Variants in GUCY1A2 observed in about 807,000 individuals in gnomAD.
The protein encoded by GUCY1A2 is guanylate cyclase 1 soluble subunit alpha 2.
In GUCY1A2, 27 loss-of-function variants were observed where a neutral mutation model predicts 63.5. That is an observed-to-expected ratio of 0.43 (90% CI 0.31 to 0.59). The LOEUF is 0.59. Ranked by LOEUF, GUCY1A2 falls within the 20% of genes least tolerant of loss-of-function variation. The pLI, the probability that GUCY1A2 is intolerant of heterozygous loss-of-function variation, is 0.11. For missense variants in GUCY1A2, 768 were observed against 913.3 expected, an observed-to-expected ratio of 0.84 and a Z score of 2.05; for synonymous variants, 364 against 343.5, an observed-to-expected ratio of 1.06 and a Z score of -0.66.
chr11:106,813,863 CTTAA>C (rs1397313546), intron 4 of GUCY1A2, among the ~76,000 whole-genome samples: 1 of 152,080 alleles, frequency 6.6e-6, no homozygotes, highest in Non-Finnish European at 1.5e-5. Context: ...GTGCTGAGTA[CTTAA>C]TTAATACTTA....
intron 4 of GUCY1A2, among the ~76,000 whole-genome samples, chr11:106,926,684 A>G (rs1179603039): frequency 6.6e-6 from 1 of 151,918 alleles, no homozygotes; most frequent in East Asian, 2.0e-4. Flanking sequence ...TTGTTATATG[A>G]TAGTGGTGAG....
At chr11:106,765,933 A>G (rs1385533938) in intron 6 of GUCY1A2, among the ~76,000 whole-genome samples, 2 of 152,180 alleles carry the variant, frequency 1.3e-5, no homozygotes, top group East Asian at 1.9e-4. Context: ...TGGAATCTAC[A>G]TGTAAATTTG....
At chr11:106,897,672 A>G (rs1036707769) in intron 4 of GUCY1A2, among the ~76,000 whole-genome samples, 2 of 152,080 alleles carry the variant, frequency 1.3e-5, no homozygotes, top group African/African-American at 4.8e-5. Context: ...AAAAAATTGA[A>G]TCTAGATACA....
At chr11:106,786,621 GAAATACATTA>G in intron 5 of GUCY1A2, among the ~76,000 whole-genome samples, 1 of 152,302 alleles carries the variant, frequency 6.6e-6, no homozygotes, top group Middle Eastern at 3.4e-3. Context: ...TTAGGGAAGA[GAAATACATTA>G]AAATATCAAG....
chr11:106,757,377 C>T (rs1022745527), intron 6 of GUCY1A2, among the ~76,000 whole-genome samples: 3 of 152,190 alleles, frequency 2.0e-5, no homozygotes, highest in Non-Finnish European at 4.4e-5. Context: ...ATTCTCCATC[C>T]AGTTTTGTTC....
chr11:106,823,205 T>C (rs1217435050), intron 4 of GUCY1A2, among the ~76,000 whole-genome samples: 1 of 152,144 alleles, frequency 6.6e-6, no homozygotes, highest in Non-Finnish European at 1.5e-5. Flanking sequence ...ATATTGAACA[T>C]TGTACCCAAG....
intron 6 of GUCY1A2, among the ~76,000 whole-genome samples, chr11:106,760,935 A>T (rs1484564671): frequency 6.6e-6 from 1 of 152,176 alleles, no homozygotes. Flanking sequence ...AAAAATAGTA[A>T]TACTCTGATA....
At chr11:106,862,753 G>A (rs931563051) in intron 4 of GUCY1A2, among the ~76,000 whole-genome samples, 4 of 151,992 alleles carry the variant, frequency 2.6e-5, no homozygotes, top group Admixed American at 2.6e-4. Flanking sequence ...TTAAGAAAAG[G>A]GAGGCATGGA....
chr11:106,788,162 C>T (rs1054639065), intron 5 of GUCY1A2, among the ~76,000 whole-genome samples: 7 of 152,076 alleles, frequency 4.6e-5, no homozygotes, highest in East Asian at 1.9e-4. Flanking sequence ...TTTTCATATA[C>T]CTGTTTGCCA....
At chr11:106,835,082 A>G (rs762871045) in intron 4 of GUCY1A2, among the ~76,000 whole-genome samples, 10 of 151,954 alleles carry the variant, frequency 6.6e-5, no homozygotes, top group Admixed American at 4.6e-4. Flanking sequence ...GAGAGTAGGT[A>G]GGAAAAAACA....
At chr11:106,810,562 G>T in intron 4 of GUCY1A2, 84 bp from the exon 5 acceptor site, 2 of 1,176,816 alleles carry the variant, frequency 1.7e-6, no homozygotes, top group Admixed American at 2.4e-5. Context: ...TGAATAGAAA[G>T]AAAAAATGTT....
intron 3 of GUCY1A2, among the ~76,000 whole-genome samples, chr11:106,957,537 T>C (rs1471909157): frequency 6.6e-6 from 1 of 151,702 alleles, no homozygotes; most frequent in Non-Finnish European, 1.5e-5. Flanking sequence ...GGGAAGGGGC[T>C]TCCCCTTCCC....
chr11:106,999,072 C>T (rs1022738275), intron 1 of GUCY1A2, among the ~76,000 whole-genome samples: 6 of 152,162 alleles, frequency 3.9e-5, no homozygotes, highest in African/African-American at 1.4e-4. Flanking sequence ...CTATCTCCAT[C>T]CCACCCACAA....
chr11:106,870,000 G>A (rs957669031), intron 4 of GUCY1A2, among the ~76,000 whole-genome samples: 2 of 150,440 alleles, frequency 1.3e-5, no homozygotes, highest in South Asian at 2.1e-4. Flanking sequence ...GGAAACTATC[G>A]CAAGGACAAA....
At chr11:106,734,197 T>C (rs893812856) in intron 6 of GUCY1A2, among the ~76,000 whole-genome samples, 4 of 152,128 alleles carry the variant, frequency 2.6e-5, no homozygotes, top group Non-Finnish European at 2.9e-5. Context: ...CACATCCACA[T>C]ACCAGCAACC....
chr11:106,829,819 C>A (rs544121650), intron 4 of GUCY1A2, among the ~76,000 whole-genome samples: 1 of 152,184 alleles, frequency 6.6e-6, no homozygotes, highest in Non-Finnish European at 1.5e-5. Flanking sequence ...ATTACCATGC[C>A]CTGTGACGTG....
At chr11:106,952,859 C>T (rs545437721) in intron 3 of GUCY1A2, among the ~76,000 whole-genome samples, 1 of 152,108 alleles carries the variant, frequency 6.6e-6, no homozygotes, top group South Asian at 2.1e-4. Context: ...AGTCTGGTCT[C>T]GAACTCCTGA....
At chr11:106,814,990 T>C (rs1858812292) in intron 4 of GUCY1A2, among the ~76,000 whole-genome samples, 2 of 152,138 alleles carry the variant, frequency 1.3e-5, no homozygotes, top group Non-Finnish European at 2.9e-5. Context: ...TGGAATTATC[T>C]GTCAAGAATT....
At chr11:106,690,693 C>T (rs1235996534) in intron 7 of GUCY1A2, among the ~76,000 whole-genome samples, 2 of 152,096 alleles carry the variant, frequency 1.3e-5, no homozygotes, top group African/African-American at 2.4e-5. Context: ...TGTGCTTGTA[C>T]CCCTGAACTT....
Sources: allele counts gnomAD v4.1 joint callset (sites outside exome capture counted in the v4.1 genomes callset), GRCh38; gene constraint gnomAD v4.1.1; transcripts MANE v1.5; gene names NCBI Gene and HGNC (gene_info 2026-07-23, HGNC 2026-07-21).